Variants in BAG3 observed in about 807,000 individuals in gnomAD.
BAG3 encodes BAG family molecular chaperone regulator 3.
BAG3 carries 14 observed loss-of-function variants against 40.5 expected under a neutral mutation model. The ratio of observed to expected loss-of-function variants is 0.35; its 90% CI spans 0.23 to 0.54. BAG3 has a LOEUF of 0.54. Ranked by LOEUF, BAG3 falls within the 20% of genes least tolerant of loss-of-function variation. The probability of loss-of-function intolerance (pLI) is 0.91; values close to 1 mark genes in which losing one functional copy is unlikely to be tolerated. For missense variants in BAG3, 788 were observed against 758.6 expected (o/e 1.04, Z -0.46); for synonymous variants, 302 against 307.8 (o/e 0.98, Z 0.20).
At chr10:119,669,458 A>T (rs1847110377) in intron 1 of BAG3, among the ~76,000 whole-genome samples, 1 of 152,128 alleles carries the variant, frequency 6.6e-6, no homozygotes, top group Non-Finnish European at 1.5e-5. Context: ...GCTTGCTGTA[A>T]TGTAGAGGTT....
intron 3 of BAG3, among the ~76,000 whole-genome samples, chr10:119,673,680 T>C (rs991318083): frequency 9.6e-4 from 146 of 152,372 alleles, no homozygotes; most frequent in African/African-American, 3.4e-3. Flanking sequence ...GGCCCTGGAA[T>C]AGAGCACCCT....
rs1847257695 is a variant in BAG3 at position 119,677,485 on chromosome 10, A to G, written c.*203A>G. The G allele has an allele frequency of 1.4e-6, 1 of 723,058 alleles. No individual in the cohort carries two copies. The highest frequency in any genetic ancestry group is 2.3e-6 in the Non-Finnish European group (1 of 440,886). The allele number at this position is 723,058 out of a possible 1,614,324, so 44.8% of individuals were successfully genotyped here. On this transcript the variant is annotated 3_prime_UTR_variant, in exon 4 of 4. Transcript: ENST00000369085. Reference sequence around the variant, plus strand: ...TATTCTTACTCTGTACAAATAAAGAAGTTGCTTGTTGTTTGAGAAGTTTAA... The same window carrying G: ...TATTCTTACTCTGTACAAATAAAGAGGTTGCTTGTTGTTTGAGAAGTTTAA...
intron 1 of BAG3, among the ~76,000 whole-genome samples, chr10:119,660,292 G>C (rs566014330): frequency 1.3e-5 from 2 of 152,318 alleles, no homozygotes; most frequent in East Asian, 3.9e-4. Flanking sequence ...GCGGCTGGGC[G>C]CCCTGCTCAG....
chr10:119,659,131 G>A (rs1418685149), intron 1 of BAG3, among the ~76,000 whole-genome samples: 1 of 152,190 alleles, frequency 6.6e-6, no homozygotes, highest in Non-Finnish European at 1.5e-5. Flanking sequence ...GTGAGTGGAG[G>A]ATGTAAAGGA....
At chr10:119,666,446 A>C (rs1221236718) in intron 1 of BAG3, among the ~76,000 whole-genome samples, 2 of 152,254 alleles carry the variant, frequency 1.3e-5, no homozygotes, top group African/African-American at 4.8e-5. Flanking sequence ...TCCAGCAAGC[A>C]GTCTCTGCTG....
In BAG3 at chr10:119,669,853, G is replaced by T. The variant is rs996577451; in HGVS notation, c.183G>T (p.Glu61Asp). ...DPRVPSEGPK[E>D]TPSSANGPSR... ...TGTTTCTCCACTTTTTATTTCAGGA[G>T]ACTCCATCCTCTGCCAATGGCCCTT... The change falls in exon 2 of 4, where the codon GAG becomes GAT. Residue 61 changes from glutamate (E) to aspartate (D), a missense_variant and splice_region_variant. Transcript: ENST00000369085. 1 of 1,614,100 alleles carries T rather than the reference G, an allele frequency of 6.2e-7. No homozygotes were observed. The highest frequency in any genetic ancestry group is 8.5e-7 in the Non-Finnish European group (1 of 1,179,986).
chr10:119,659,112 G>A (rs940403037), intron 1 of BAG3, among the ~76,000 whole-genome samples: 5 of 152,146 alleles, frequency 3.3e-5, no homozygotes, highest in South Asian at 2.1e-4. Context: ...GGGGCTTCCC[G>A]TGCCCCTTGT....
intron 1 of BAG3, among the ~76,000 whole-genome samples, chr10:119,665,092 T>TTTGTGTGTGTGTGTGTGTG (rs1554876558): frequency 2.3e-4 from 20 of 87,952 alleles, no homozygotes; most frequent in South Asian, 3.7e-4. Flanking sequence ...TAATTTTTGT[T>TTTGTGTGTGTGTGTGTGTG]TGTGTGTGTG....
chr10:119,667,253 A>T (rs191487979), intron 1 of BAG3, among the ~76,000 whole-genome samples: 25 of 152,296 alleles, frequency 1.6e-4, no homozygotes, highest in Admixed American at 5.9e-4. Flanking sequence ...CTGGTATTAC[A>T]GGCTTGAGCC....
intron 1 of BAG3, among the ~76,000 whole-genome samples, chr10:119,664,757 G>A (rs1306932513): frequency 6.6e-6 from 1 of 152,178 alleles, no homozygotes; most frequent in Non-Finnish European, 1.5e-5. Flanking sequence ...ACACTTAGTA[G>A]ACTGAAGAGA....
intron 1 of BAG3, among the ~76,000 whole-genome samples, chr10:119,665,305 T>G (rs1847049639): frequency 6.7e-6 from 1 of 149,712 alleles, no homozygotes; most frequent in Non-Finnish European, 1.5e-5. Context: ...CCCAGCTAAT[T>G]TTTTTTTTGT....
rs551478530 is a variant in BAG3 at position 119,656,930 on chromosome 10, G to A, written c.180+5075G>A. On this transcript the variant is annotated intron_variant, in intron 1 of 3. Transcript: ENST00000369085. ...TTTGGAGAGGCAGTGTGCCTGGCCT[G>A]TGATAAACAGAAAGACTTCTGTGGC... 9.8e-4 allele frequency among the ~76,000 whole-genome samples: 149 copies of A among 152,306 alleles called. 1 individual carries two copies. The highest frequency in any genetic ancestry group is 3.2e-3 in the African/African-American group (135 of 41,558).
In BAG3 at chr10:119,676,564, T is replaced by A. The variant is rs1406838733; in HGVS notation, c.1010T>A (p.Ile337Asn). The change falls in exon 4 of 4, where the codon ATC (isoleucine) becomes AAC (asparagine). Residue 337 changes from isoleucine to asparagine, a missense_variant. Coordinates refer to ENST00000369085, the MANE Select transcript of BAG3 (RefSeq NM_004281.4). ...GGACCAGAACTCCCTCCTGGACACA[T>A]CCCAATTCAAGTGATCCGCAAAGAG... ...PVGPELPPGH[I>N]PIQVIRKEVD... The A allele has an allele frequency of 1.2e-6, 2 of 1,613,770 alleles. No individual in the cohort carries two copies. The highest frequency in any genetic ancestry group is 1.1e-5 in the South Asian group (1 of 91,060).
chr10:119,668,724 A>G (rs1056156587), intron 1 of BAG3, among the ~76,000 whole-genome samples: 1 of 152,244 alleles, frequency 6.6e-6, no homozygotes, highest in African/African-American at 2.4e-5. Flanking sequence ...AAGAGAGGAC[A>G]TAAGAGAAGG....
intron 3 of BAG3, among the ~76,000 whole-genome samples, chr10:119,675,849 T>TC (rs1847220438): frequency 1.9e-5 from 1 of 52,800 alleles, no homozygotes; most frequent in Non-Finnish European, 3.5e-5. Context: ...CCTCCTTCCT[T>TC]CCTGCCCCCT....
chr10:119,669,329 G>A (rs1043070789), intron 1 of BAG3, among the ~76,000 whole-genome samples: 10 of 152,160 alleles, frequency 6.6e-5, no homozygotes, highest in African/African-American at 2.4e-4. Context: ...CTCCTGAGGA[G>A]GCAGCCCTCG....
chr10:119,651,543 T>C lies in BAG3; in HGVS notation c.-133T>C, dbSNP rs1194914335. The C allele has an allele frequency of 3.6e-6, 3 of 838,016 alleles. No individual in the cohort carries two copies. The highest frequency in any genetic ancestry group is 3.3e-6 in the Non-Finnish European group (2 of 603,310). The allele number at this position is 838,016 out of a possible 1,614,324, so 51.9% of individuals were successfully genotyped here. ...CCACGTCACCCCCGCCTTTAATTCA[T>C]AAAGGTGCCCGGCGCCGGCTTCCCG... On this transcript the variant is annotated 5_prime_UTR_variant, in exon 1 of 4. Transcript: ENST00000369085.
At chr10:119,654,538 A>G (rs765854631) in intron 1 of BAG3, among the ~76,000 whole-genome samples, 30 of 152,220 alleles carry the variant, frequency 2.0e-4, no homozygotes, top group Non-Finnish European at 4.1e-4. Context: ...GTTTTCACAG[A>G]GGGGCAGAGC....
At chr10:119,675,034 TA>T (rs1847200748) in intron 3 of BAG3, among the ~76,000 whole-genome samples, 1 of 150,020 alleles carries the variant, frequency 6.7e-6, no homozygotes, top group African/African-American at 2.5e-5. Context: ...CATAGCTCAT[TA>T]AAAAATATAT....
Sources: allele counts gnomAD v4.1 joint callset (sites outside exome capture counted in the v4.1 genomes callset), GRCh38; gene constraint gnomAD v4.1.1; transcripts MANE v1.5; gene names NCBI Gene and HGNC (gene_info 2026-07-23, HGNC 2026-07-21).